The following DYNC2H1 variants were observed in gnomAD, a reference collection of about 807,000 sequenced individuals.
The protein encoded by DYNC2H1 is dynein cytoplasmic 2 heavy chain 1, also known as cytoplasmic dynein 2 heavy chain 1.
Under a neutral mutation model 570.0 loss-of-function variants are expected in DYNC2H1, and 410 were observed. That is an observed-to-expected ratio of 0.72 (90% CI 0.66 to 0.78). The LOEUF (loss-of-function observed/expected upper bound fraction) is 0.78. Ranked by LOEUF, DYNC2H1 falls within the 30% of genes least tolerant of loss-of-function variation. The pLI is 0.00. For missense variants in DYNC2H1, 4,865 were observed against 5,046.4 expected (o/e 0.96, Z 1.09); for synonymous variants, 1,688 against 1,677.6 (o/e 1.01, Z -0.15).
rs926611768 is a variant in DYNC2H1, at chr11:103,416,799, G to C, written c.12366+16927G>C. ...AATTGACAAATGGGATCTAATTAAA[G>C]AGTTGCTGCACAGCAAAAGAAACTA... On this transcript the variant is annotated intron_variant, in intron 84 of 88. Transcript: ENST00000375735. Among the ~76,000 whole-genome samples the C allele has an allele frequency of 6.6e-3, 765 of 115,922 alleles. 6 individuals are homozygous for C. Among genetic ancestry groups the C allele is most frequent in the African/African-American group, 0.025 (729 of 28,958 alleles). 76.0% of individuals were successfully genotyped at this position (115,922 alleles called of 152,430 possible).
At chr11:103,365,433 ATAAAT>A (rs1408984169) in intron 83 of DYNC2H1, among the ~76,000 whole-genome samples, 4 of 152,240 alleles carry the variant, frequency 2.6e-5, no homozygotes, top group African/African-American at 9.6e-5. Context: ...GATTCTAAAA[ATAAAT>A]TATGTAAAGC....
chr11:103,241,666 C>T lies in DYNC2H1; in HGVS notation c.9820-2027C>T. The T allele has an allele frequency of 1.3e-6, 1 of 759,602 alleles. No individual in the cohort carries two copies. The highest frequency in any genetic ancestry group is 1.6e-5 in the South Asian group (1 of 61,320). 47.1% of individuals were successfully genotyped at this position (759,602 alleles called of 1,614,324 possible). A position where few individuals can be genotyped will look rare whatever the true frequency, so the allele number is the denominator to read the frequency against. On this transcript the variant is annotated intron_variant, in intron 63 of 88. Transcript: ENST00000375735. This position sits in a 1 kb window ranked among gnomAD's most constrained non-coding sequence, Gnocchi z 5.1. Reference sequence around the variant, plus strand: ...TAGATCAAAAACCTAGGTGCAGCACCATGGTAACACTTCACAGGCTATTTA... The same window carrying T: ...TAGATCAAAAACCTAGGTGCAGCACTATGGTAACACTTCACAGGCTATTTA...
intron 83 of DYNC2H1, among the ~76,000 whole-genome samples, chr11:103,360,905 G>A (rs1940604854): frequency 1.3e-5 from 2 of 152,188 alleles, no homozygotes; most frequent in African/African-American, 2.4e-5. Flanking sequence ...TGGATAGTTA[G>A]GGAGTATCTT....
chr11:103,168,019 CCTT>C (rs1464651684), intron 31 of DYNC2H1, among the ~76,000 whole-genome samples: 2 of 152,170 alleles, frequency 1.3e-5, no homozygotes, highest in East Asian at 1.9e-4. Flanking sequence ...TTTTCAATCT[CCTT>C]CTTCTCCATG....
intron 85 of DYNC2H1, among the ~76,000 whole-genome samples, chr11:103,453,539 A>C (rs1944679820): frequency 6.6e-6 from 1 of 151,178 alleles, no homozygotes; most frequent in South Asian, 2.1e-4. Context: ...CATTTTTACT[A>C]AAAGAGCTTT....
rs1323217468 is a variant in DYNC2H1 at position 103,472,634 on chromosome 11, G to A, written c.12765+3929G>A. 1.3e-5 allele frequency among the ~76,000 whole-genome samples: 2 copies of A among 152,046 alleles called. No homozygotes were observed. Among genetic ancestry groups the A allele is most frequent in the Non-Finnish European group, 2.9e-5 (2 of 68,020 alleles). On this transcript the variant is annotated intron_variant, in intron 88 of 88. Coordinates refer to ENST00000375735, the MANE Select transcript of DYNC2H1 (RefSeq NM_001377.3). The surrounding 1 kb of genome is among the most constrained non-coding windows in gnomAD (Gnocchi z 4.1). ...TAGCATTAGTGTCCAGACAATCATA[G>A]TGAACATTTATTTGCACTGATTACA...
chr11:103,435,962 G>A lies in DYNC2H1; in HGVS notation c.12386G>A (p.Ser4129Asn). ...TTGCAGTGTCCTCTCGCATGGCAGA[G>A]CAAGTGGGAAGGCCCAGAAGATCCC... ...LNQKCPLAWQ[S>N]KWEGPEDPLQ... Residue 4129 changes from serine to asparagine, a missense_variant, in exon 85 of 89, where the codon AGC (serine) becomes AAC (asparagine). Coordinates refer to ENST00000375735, the MANE Select transcript of DYNC2H1 (RefSeq NM_001377.3). 3 of 1,612,590 alleles carry A rather than the reference G, an allele frequency of 1.9e-6. No homozygotes were observed. The highest frequency in any genetic ancestry group is 2.5e-6 in the Non-Finnish European group (3 of 1,179,082).
intron 40 of DYNC2H1, among the ~76,000 whole-genome samples, chr11:103,183,253 ACATT>A (rs1349637709): frequency 6.6e-6 from 1 of 151,950 alleles, no homozygotes; most frequent in Admixed American, 6.6e-5. Flanking sequence ...TTAGTACAAA[ACATT>A]CAGAGCCTAA....
rs1263559945 is a variant in DYNC2H1 at position 103,176,317 on chromosome 11, T to C, written c.5757T>C (p.Asp1919=). 4 of 1,564,640 alleles carry C rather than the reference T, an allele frequency of 2.6e-6. No individual in the cohort carries two copies. Among genetic ancestry groups the C allele is most frequent in the Admixed American group, 1.9e-5 (1 of 52,666 alleles). The change falls in exon 37 of 89, where the codon GAT becomes GAC. Residue 1919 remains aspartate, a synonymous_variant. Transcript: ENST00000375735. ...KFTFTDCTRF[D]ALIKDVFPGI... Reference sequence around the variant, plus strand: ...CGTTTACTGATTGCACCCGGTTTGATGCACTGATAAAAGATGTCTTTCCGG... The same window carrying C: ...CGTTTACTGATTGCACCCGGTTTGACGCACTGATAAAAGATGTCTTTCCGG...
At chr11:103,146,894 G>A (rs1288639552) in intron 18 of DYNC2H1, among the ~76,000 whole-genome samples, 1 of 151,902 alleles carries the variant, frequency 6.6e-6, no homozygotes, top group Non-Finnish European at 1.5e-5. Flanking sequence ...CACTGTGCCT[G>A]GCCTATTCTG....
In DYNC2H1 at chr11:103,461,917, G is replaced by GTGTT. The variant is rs1298309562; in HGVS notation, c.12648+5563_12648+5566dup. On this transcript the variant is annotated intron_variant, in intron 87 of 88. Coordinates refer to ENST00000375735, the MANE Select transcript of DYNC2H1 (RefSeq NM_001377.3). This position sits in a 1 kb window ranked among gnomAD's most constrained non-coding sequence, Gnocchi z 4.8. ...ATTTTACCCCTCTATGGTTCTGAAT[G>GTGTT]TGTTTCTTTAAAAATATTTTTTTTC... Among the ~76,000 whole-genome samples, 1 of 149,418 alleles carries GTGTT rather than the reference G, an allele frequency of 6.7e-6. No homozygotes were observed. Among genetic ancestry groups the GTGTT allele is most frequent in the Non-Finnish European group, 1.5e-5 (1 of 67,356 alleles).
At position 103,161,931 on chromosome 11, in the gene DYNC2H1, T is replaced by C. The variant is rs187189035; in HGVS notation, c.4491+887T>C. Among the ~76,000 whole-genome samples the C allele has an allele frequency of 2.2e-4, 33 of 152,344 alleles. No homozygotes were observed. In the East Asian group the frequency reaches 4.6e-3, roughly 21 times the overall value. On this transcript the variant is annotated intron_variant, in intron 29 of 88. Transcript: ENST00000375735. ...CAGGGCCCATGCCTTACCATGTGCA[T>C]GTCCATACAGCCTAGCAAAATGTTT... is the stretch of plus-strand genomic sequence containing the variant.
At position 103,177,928 on chromosome 11, in the gene DYNC2H1, T is replaced by C. The variant is rs1255501202; in HGVS notation, c.6139+108T>C. On this transcript the variant is annotated intron_variant, in intron 38 of 88. Transcript: ENST00000375735. The surrounding 1 kb of genome is among the most constrained non-coding windows in gnomAD (Gnocchi z 4.4). ...AGACTTCTACATGACCATAAAGTCA[T>C]AATTAAGTTAAAATGATGTACATTT... 1.6e-6 allele frequency: 2 copies of C among 1,249,602 alleles called. No individual in the cohort carries two copies. The highest frequency in any genetic ancestry group is 1.6e-5 in the African/African-American group (1 of 62,970). The allele number at this position is 1,249,602 out of a possible 1,614,324, so 77.4% of individuals were successfully genotyped here.
chr11:103,132,120 C>G (rs1199201490), intron 13 of DYNC2H1, among the ~76,000 whole-genome samples: 1 of 151,882 alleles, frequency 6.6e-6, no homozygotes, highest in Non-Finnish European at 1.5e-5. Flanking sequence ...TATACAAAAT[C>G]CTTGGAAGCT....
chr11:103,199,376 C>T lies in DYNC2H1; in HGVS notation c.7988C>T (p.Thr2663Ile), dbSNP rs375753641. 9.9e-6 allele frequency: 16 copies of T among 1,610,426 alleles called. No individual in the cohort carries two copies. Among genetic ancestry groups the T allele is most frequent in the Non-Finnish European group, 1.4e-5 (16 of 1,178,812 alleles). The change falls in exon 49 of 89, where the codon ACC becomes ATC. Residue 2663 changes from threonine to isoleucine, a missense_variant. Physicochemically the swap from Thr to Ile is moderately conservative, Grantham distance 89 (BLOSUM62 -1). Around this residue, in one of 5 missense-constraint regions of DYNC2H1, gnomAD observed 2,401 missense variants for 2,454.6 expected, o/e 0.98. Transcript: ENST00000375735. This position sits in a 1 kb window ranked among gnomAD's most constrained non-coding sequence, Gnocchi z 4.6. ...GGACGCAGTGGTGTAGGTCGTCGGACCATCACTTCTTTAGTCAGTCACATG... is the reference window on the plus strand; with the variant it reads ...GGACGCAGTGGTGTAGGTCGTCGGATCATCACTTCTTTAGTCAGTCACATG... ...LAGRSGVGRR[T>I]ITSLVSHMHG...
chr11:103,322,227 G>A (rs1832464428), intron 81 of DYNC2H1, among the ~76,000 whole-genome samples: 1 of 152,068 alleles, frequency 6.6e-6, no homozygotes, highest in African/African-American at 2.4e-5. Context: ...GAACCTTAGA[G>A]GGAATGAATA....
At chr11:103,233,411 C>T (rs1864088765) in intron 60 of DYNC2H1, among the ~76,000 whole-genome samples, 1 of 151,438 alleles carries the variant, frequency 6.6e-6, no homozygotes, top group African/African-American at 2.4e-5. Context: ...AAATCACACA[C>T]ATATTTTTCA....
intron 82 of DYNC2H1, among the ~76,000 whole-genome samples, chr11:103,330,749 G>A (rs1938743564): frequency 6.6e-6 from 1 of 151,682 alleles, no homozygotes; most frequent in African/African-American, 2.4e-5. Context: ...TCCTCCTCTT[G>A]TACTGAAACT....
chr11:103,113,228 CT>C (rs1565307716), intron 1 of DYNC2H1, among the ~76,000 whole-genome samples: 1 of 152,036 alleles, frequency 6.6e-6, no homozygotes, highest in Non-Finnish European at 1.5e-5. Context: ...AGAATGGACT[CT>C]GGCTGGAATG....
Sources: gnomAD v4.1 joint callset for allele counts (sites outside exome capture counted in the v4.1 genomes callset) on GRCh38, gnomAD v4.1.1 for gene constraint, gnomAD v4.1.1 regional missense constraint, Gnocchi (gnomAD v3.1) non-coding constraint, MANE v1.5 for transcripts, NCBI Gene and HGNC (gene_info 2026-07-23, HGNC 2026-07-21) for gene names.